The following SNCAIP variants were observed in gnomAD, a reference collection of about 807,000 sequenced individuals.
SNCAIP encodes the protein synuclein alpha interacting protein.
SNCAIP carries 43 observed loss-of-function variants against 86.7 expected under a neutral mutation model. The ratio of observed to expected loss-of-function variants is 0.50; its 90% confidence interval spans 0.39 to 0.64. The LOEUF is 0.64. Ranked by LOEUF, SNCAIP falls within the 30% of genes least tolerant of loss-of-function variation. The pLI is 0.00. For missense variants in SNCAIP, 981 were observed against 1,103.1 expected, an observed-to-expected ratio of 0.89 and a Z score of 1.57; for synonymous variants, 417 against 427.2, an observed-to-expected ratio of 0.98 and a Z score of 0.29.
intron 10 of SNCAIP, among the ~76,000 whole-genome samples, chr5:122,460,144 C>A (rs1351614488): frequency 1.4e-5 from 2 of 148,118 alleles, no homozygotes; most frequent in East Asian, 2.0e-4. Flanking sequence ...TTTTAAGAAA[C>A]AGGGTCTTGC....
intron 2 of SNCAIP, among the ~76,000 whole-genome samples, chr5:122,403,530 C>G (rs1318383465): frequency 3.9e-5 from 6 of 152,158 alleles, no homozygotes; most frequent in Admixed American, 3.9e-4. Flanking sequence ...GAGAGAGTGT[C>G]TGCTGGCTAC....
chr5:122,371,258 G>C (rs954756858), intron 1 of SNCAIP: 1 of 150,526 alleles, frequency 6.6e-6, no homozygotes, highest in Non-Finnish European at 1.5e-5. Context: ...AGTCAACTCT[G>C]ATCAGATTTC....
chr5:122,440,151 C>T (rs1780510462), intron 6 of SNCAIP, among the ~76,000 whole-genome samples: 1 of 152,208 alleles, frequency 6.6e-6, no homozygotes, highest in African/African-American at 2.4e-5. Context: ...ATTATAAAGG[C>T]ATGGTTGAAG....
chr5:122,357,617 CTT>C (rs1159553477), intron 1 of SNCAIP, among the ~76,000 whole-genome samples: 3 of 140,186 alleles, frequency 2.1e-5, no homozygotes, highest in Non-Finnish European at 1.6e-5. Flanking sequence ...GACAAGCCTT[CTT>C]TTTTTTTTTT....
intron 3 of SNCAIP, among the ~76,000 whole-genome samples, chr5:122,417,492 G>A (rs973143233): frequency 1.3e-5 from 2 of 152,176 alleles, no homozygotes; most frequent in South Asian, 4.1e-4. Flanking sequence ...TTAATATGCA[G>A]CACATCTTGT....
intron 2 of SNCAIP, among the ~76,000 whole-genome samples, chr5:122,392,362 A>T (rs941207762): frequency 2.2e-4 from 34 of 151,926 alleles, no homozygotes; most frequent in African/African-American, 8.2e-4. Flanking sequence ...CCTTCCCATG[A>T]TATATTTTTG....
intron 1 of SNCAIP, among the ~76,000 whole-genome samples, chr5:122,351,557 A>AAAAAAAAAAAAAAAAAC (rs1759829879): frequency 6.7e-6 from 1 of 149,572 alleles, no homozygotes; most frequent in African/African-American, 2.4e-5. Context: ...AAAAAAAAAA[A>AAAAAAAAAAAAAAAAAC]AAAAAAAAAG....
At chr5:122,432,995 G>A (rs1241933487) in intron 6 of SNCAIP, among the ~76,000 whole-genome samples, 1 of 152,056 alleles carries the variant, frequency 6.6e-6, no homozygotes, top group Non-Finnish European at 1.5e-5. Context: ...AAGAGATTAT[G>A]CTTTTTCAAG....
intron 1 of SNCAIP, chr5:122,371,920 GT>G (rs1458440050): frequency 6.6e-6 from 1 of 152,130 alleles, no homozygotes; most frequent in African/African-American, 2.4e-5. Flanking sequence ...AACCACAGGG[GT>G]TTCTATTTGA....
intron 2 of SNCAIP, among the ~76,000 whole-genome samples, chr5:122,402,235 TAGAG>T (rs1042396804): frequency 1.3e-5 from 2 of 152,110 alleles, no homozygotes; most frequent in Non-Finnish European, 2.9e-5. Flanking sequence ...CCAGAGTCCT[TAGAG>T]AGCTTGTACT....
At chr5:122,440,400 C>A (rs139957968) in intron 6 of SNCAIP, 2 of 520,824 alleles carry the variant, frequency 3.8e-6, no homozygotes, top group Admixed American at 6.4e-5. Flanking sequence ...AAAATAAGAG[C>A]GCTTCCAAGG....
chr5:122,457,730 T>A (rs1288780748), intron 10 of SNCAIP, among the ~76,000 whole-genome samples: 1 of 152,210 alleles, frequency 6.6e-6, no homozygotes, highest in Non-Finnish European at 1.5e-5. Context: ...AAGAAAACCC[T>A]CATTTTATAC....
chr5:122,338,934 G>A (rs1057112868), intron 1 of SNCAIP, among the ~76,000 whole-genome samples: 1 of 152,146 alleles, frequency 6.6e-6, no homozygotes, highest in African/African-American at 2.4e-5. Flanking sequence ...AGTACAAGGA[G>A]CTCTCCTAGT....
At chr5:122,367,701 G>A (rs1763462538) in intron 1 of SNCAIP, among the ~76,000 whole-genome samples, 1 of 152,046 alleles carries the variant, frequency 6.6e-6, no homozygotes, top group South Asian at 2.1e-4. Context: ...AAGAACCCAG[G>A]TAGCACTTTC....
intron 1 of SNCAIP, among the ~76,000 whole-genome samples, chr5:122,380,798 A>G (rs1766576197): frequency 6.6e-6 from 1 of 151,938 alleles, no homozygotes; most frequent in Non-Finnish European, 1.5e-5. Context: ...TTCGTTATGT[A>G]TCCAGTAGTC....
At chr5:122,374,063 A>G (rs892831806) in intron 1 of SNCAIP, among the ~76,000 whole-genome samples, 15 of 152,286 alleles carry the variant, frequency 9.8e-5, no homozygotes, top group African/African-American at 3.6e-4. Context: ...GAGTTTTTCT[A>G]TGGGAAAATT....
chr5:122,353,715 G>A (rs1760398048), intron 1 of SNCAIP, among the ~76,000 whole-genome samples: 1 of 152,174 alleles, frequency 6.6e-6, no homozygotes, highest in Non-Finnish European at 1.5e-5. Flanking sequence ...GACATGACTT[G>A]CTCCTCCTTG....
At chr5:122,455,876 A>G (rs1422895748) in intron 10 of SNCAIP, among the ~76,000 whole-genome samples, 1 of 148,082 alleles carries the variant, frequency 6.8e-6, no homozygotes, top group Non-Finnish European at 1.5e-5. Flanking sequence ...GTGTGATTCA[A>G]CTGTAGAGGA....
intron 6 of SNCAIP, 133 bp from the exon 7 acceptor site, chr5:122,440,496 T>G: frequency 1.2e-6 from 1 of 828,700 alleles, no homozygotes; most frequent in Non-Finnish European, 2.0e-6. Context: ...CACATCTGAA[T>G]GAGAATTTTC....
Sources: allele counts gnomAD v4.1 joint callset (sites outside exome capture counted in the v4.1 genomes callset), GRCh38; gene constraint gnomAD v4.1.1; transcripts MANE v1.5; gene names NCBI Gene and HGNC (gene_info 2026-07-23, HGNC 2026-07-21).